The following DIP2C variants were observed in gnomAD, a reference collection of about 807,000 sequenced individuals.
DIP2C encodes the protein DIP2 acetate--CoA ligase C (putative), also known as disco-interacting protein 2 homolog C.
DIP2C carries 33 observed loss-of-function variants against 192.4 expected under a neutral mutation model. The ratio of observed to expected loss-of-function variants is 0.17; its 90% CI spans 0.13 to 0.23. The LOEUF (loss-of-function observed/expected upper bound fraction) is 0.23. DIP2C is among the 10% of genes least tolerant of loss of function. DIP2C has a pLI of 1.00. For missense variants in DIP2C, 1,537 were observed against 2,110.1 expected (o/e 0.73, Z 5.32); for synonymous variants, 979 against 864.1 (o/e 1.13, Z -2.33).
intron 18 of DIP2C, among the ~76,000 whole-genome samples, chr10:366,703 G>A (rs1452412491): frequency 6.6e-6 from 1 of 152,108 alleles, no homozygotes; most frequent in Non-Finnish European, 1.5e-5. Context: ...TTTAGATATG[G>A]GGAGGAACCT....
chr10:397,527 C>A (rs76266338), intron 10 of DIP2C, among the ~76,000 whole-genome samples: 170 of 132,016 alleles, frequency 1.3e-3, no homozygotes, highest in Admixed American at 1.5e-3. Context: ...GACTCCATCT[C>A]AAAAAAAAAA....
At position 321,551 on chromosome 10, in the gene DIP2C, G is replaced by A. The variant is rs564603985; in HGVS notation, c.3924+5455C>T. Among the ~76,000 whole-genome samples the A allele has an allele frequency of 3.0e-3, 390 of 128,652 alleles. 4 individuals carry two copies. The highest frequency in any genetic ancestry group is 2.5e-3 in the African/African-American group (86 of 34,412). The allele number at this position is 128,652 out of a possible 152,430, so 84.4% of individuals were successfully genotyped here. On this transcript the variant is annotated intron_variant, in intron 31 of 36. Transcript: ENST00000280886. ...CCTGCGGGGGCTCCAGCGAGAGACC[G>A]GCGCTGTTAGAACAGTCAGTCGGGG...
intron 1 of DIP2C, among the ~76,000 whole-genome samples, chr10:655,936 TTTC>T (rs751784036): frequency 1.4e-5 from 2 of 147,016 alleles, no homozygotes; most frequent in East Asian, 2.0e-4. Context: ...TGTTACACTA[TTTC>T]TTCTGTTCTA....
intron 1 of DIP2C, among the ~76,000 whole-genome samples, chr10:556,460 A>AG (rs1848878776): frequency 6.8e-6 from 1 of 146,908 alleles, no homozygotes; most frequent in Non-Finnish European, 1.5e-5. Context: ...CCTTCCCAAG[A>AG]GGGGGATCCA....
intron 1 of DIP2C, among the ~76,000 whole-genome samples, chr10:528,730 C>CG (rs763089900): frequency 3.2e-4 from 49 of 152,186 alleles, no homozygotes; most frequent in Non-Finnish European, 6.6e-4. Context: ...ATCCATACAA[C>CG]GGTGCAGTGT....
At chr10:502,602 G>T (rs144608949) in intron 1 of DIP2C, among the ~76,000 whole-genome samples, 2 of 152,028 alleles carry the variant, frequency 1.3e-5, no homozygotes, top group African/African-American at 4.8e-5. Flanking sequence ...ATTCCCAAGG[G>T]ATCTACAAAA....
intron 3 of DIP2C, among the ~76,000 whole-genome samples, chr10:464,402 C>T (rs1342190553): frequency 2.0e-5 from 3 of 151,978 alleles, no homozygotes; most frequent in African/African-American, 4.8e-5. Flanking sequence ...AAAAGCTCAT[C>T]ATCACTGGTC....
intron 1 of DIP2C, among the ~76,000 whole-genome samples, chr10:639,068 G>A (rs1368649407): frequency 6.6e-6 from 1 of 151,360 alleles, no homozygotes; most frequent in African/African-American, 2.4e-5. Context: ...GCATGATGGA[G>A]GTCCCACAAT....
In DIP2C at chr10:605,639, C is replaced by T. The variant is rs373113241; in HGVS notation, c.85+83855G>A. Among the ~76,000 whole-genome samples, 12 of 152,176 alleles carry T rather than the reference C, an allele frequency of 7.9e-5. No homozygotes were observed. In the East Asian group the frequency reaches 9.6e-4, roughly 12 times the overall value. ...TATGAAGCAGAGAACAGATTCCTGACGCCTGCCTGAACATTTCATTGCCAC... is the reference window on the plus strand; with the variant it reads ...TATGAAGCAGAGAACAGATTCCTGATGCCTGCCTGAACATTTCATTGCCAC... On this transcript the variant is annotated intron_variant, in intron 1 of 36. Transcript: ENST00000280886.
chr10:570,549 T>TCA (rs1849727672), intron 1 of DIP2C, among the ~76,000 whole-genome samples: 1 of 152,176 alleles, frequency 6.6e-6, no homozygotes, highest in Non-Finnish European at 1.5e-5. Context: ...CAGCCAGACA[T>TCA]CACACTTCAG....
rs201441750 is a variant in DIP2C at position 440,995 on chromosome 10, G to A, written c.270C>T (p.Asp90=). 55 of 1,611,854 alleles carry A rather than the reference G, an allele frequency of 3.4e-5. No individual in the cohort carries two copies. The highest frequency in any genetic ancestry group is 3.6e-5 in the Non-Finnish European group (43 of 1,179,546). ...SGSRDERYRS[D]VHTEAVQAAL... ...CCGCCTGGACAGCTTCCGTGTGGACGTCTGAAACGGAGAGAGCTCAGTCAC... is the reference window on the plus strand; with the variant it reads ...CCGCCTGGACAGCTTCCGTGTGGACATCTGAAACGGAGAGAGCTCAGTCAC... The change falls in exon 4 of 37, where the codon GAC becomes GAT. Residue 90 remains aspartate, a splice_region_variant and synonymous_variant. Transcript: ENST00000280886.
intron 1 of DIP2C, among the ~76,000 whole-genome samples, chr10:622,108 T>C (rs901062032): frequency 5.3e-5 from 8 of 151,020 alleles, no homozygotes; most frequent in Non-Finnish European, 1.2e-4. Context: ...AGGAAAGACA[T>C]GATTCCAGGA....
At chr10:411,622 A>ATTACTCAGTATT (rs1411428289) in intron 8 of DIP2C, among the ~76,000 whole-genome samples, 9 of 152,226 alleles carry the variant, frequency 5.9e-5, no homozygotes, top group African/African-American at 2.2e-4. Flanking sequence ...TCGATACCAA[A>ATTACTCAGTATT]TTACTCAGTA....
intron 33 of DIP2C, among the ~76,000 whole-genome samples, chr10:287,109 C>CTT (rs111949962): frequency 2.0e-5 from 3 of 147,064 alleles, no homozygotes; most frequent in African/African-American, 7.5e-5. Context: ...GCATTTCCTT[C>CTT]TTTTTTTTTT....
At chr10:663,830 G>A (rs1428219804) in intron 1 of DIP2C, 1 of 152,268 alleles carries the variant, frequency 6.6e-6, no homozygotes, top group East Asian at 1.9e-4. Context: ...TCTACTGGGA[G>A]GAGGGATGCT....
chr10:590,014 T>G (rs1035770957), intron 1 of DIP2C, among the ~76,000 whole-genome samples: 10 of 152,230 alleles, frequency 6.6e-5, no homozygotes, highest in Admixed American at 6.5e-4. Flanking sequence ...CCTTTCACAG[T>G]ATAGTTCAAA....
At chr10:346,563 G>A (rs548135277) in intron 26 of DIP2C, among the ~76,000 whole-genome samples, 6 of 138,380 alleles carry the variant, frequency 4.3e-5, no homozygotes, top group African/African-American at 8.5e-5. Flanking sequence ...GACACATCGC[G>A]CATAGTTCTC....
intron 1 of DIP2C, among the ~76,000 whole-genome samples, chr10:493,712 G>A (rs1844616937): frequency 1.3e-5 from 2 of 152,224 alleles, no homozygotes; most frequent in Admixed American, 1.3e-4. Context: ...AGGACAGGTG[G>A]ACAGGAGAAA....
rs1325006048 is a variant in DIP2C at position 317,821 on chromosome 10, G to C, written c.3925-7729C>G. Among the ~76,000 whole-genome samples, 7 of 152,192 alleles carry C rather than the reference G, an allele frequency of 4.6e-5. No individual in the cohort carries two copies. The East Asian group carries it at 1.2e-3, about 25-fold the overall frequency. Reference sequence around the variant, plus strand: ...TCAGTGCAGTGTCCATCAGTGCCTAGGGCACGTGAGACATCCAAAAACACT... The same window carrying C: ...TCAGTGCAGTGTCCATCAGTGCCTACGGCACGTGAGACATCCAAAAACACT... On this transcript the variant is annotated intron_variant, in intron 31 of 36. Transcript: ENST00000280886.
Sources: allele counts gnomAD v4.1 joint callset (sites outside exome capture counted in the v4.1 genomes callset), GRCh38; gene constraint gnomAD v4.1.1; transcripts MANE v1.5; gene names NCBI Gene and HGNC (gene_info 2026-07-23, HGNC 2026-07-21).